BRWD3: variants seen among roughly 807,000 people sequenced by gnomAD.
BRWD3 encodes the protein bromodomain and WD repeat domain containing 3.
A neutral mutation model predicts 149.7 loss-of-function variants in BRWD3; 10 were observed. The observed-to-expected ratio is 0.07, with a 90% confidence interval of 0.04 to 0.11. The LOEUF (loss-of-function observed/expected upper bound fraction) is 0.11, where lower values mean the gene tolerates loss of function less well. BRWD3 is among the 10% of genes least tolerant of loss of function. BRWD3 has a pLI of 1.00. For synonymous variants in BRWD3, 504 were observed against 456.7 expected (o/e 1.10, Z -1.32); for missense variants, 940 against 1,373.2 (o/e 0.68, Z 4.99).
chrX:80,771,931 C>A (rs1459827432), intron 6 of BRWD3, among the ~76,000 whole-genome samples: 5 of 111,430 alleles, frequency 4.5e-5, no homozygotes, highest in Non-Finnish European at 7.5e-5. Context: ...CCATCTCACA[C>A]CAGTTAGAAT....
chrX:80,761,441 T>C (rs527272941), intron 6 of BRWD3, among the ~76,000 whole-genome samples: 1 of 112,576 alleles, frequency 8.9e-6, no homozygotes, highest in East Asian at 2.8e-4. Context: ...AGCAATTATA[T>C]GACAGGCAAA....
At chrX:80,729,892 T>A (rs369366827) in intron 13 of BRWD3, 24 bp downstream of exon 13, 1 of 983,448 alleles carries the variant, frequency 1.0e-6, no homozygotes, top group Non-Finnish European at 1.5e-6. Context: ...GAGAACCACA[T>A]AAACATCTAA....
chrX:80,716,406 G>A (rs1208882925), intron 19 of BRWD3, among the ~76,000 whole-genome samples, 156 bp from the exon 20 acceptor site: 1 of 112,187 alleles, frequency 8.9e-6, no homozygotes, highest in Admixed American at 9.5e-5. Flanking sequence ...AGAAAGTTGT[G>A]CAACCATTAC....
intron 16 of BRWD3, among the ~76,000 whole-genome samples, chrX:80,723,185 A>G (rs181374826): frequency 5.1e-4 from 57 of 111,336 alleles, no homozygotes; most frequent in African/African-American, 1.8e-3. Context: ...AAACAGGTAA[A>G]TATCAATCAC....
rs2072345542 is a variant in BRWD3, at chrX:80,674,330, A to G, written c.*2279T>C. The G allele has an allele frequency of 8.9e-6, 1 of 111,839 alleles. No individual in the cohort carries two copies. Among genetic ancestry groups the G allele is most frequent in the African/African-American group, 3.2e-5 (1 of 30,898 alleles). The allele number at this position is 111,839 out of a possible 1,213,427, so 9.2% of individuals were successfully genotyped here. ...GCATTTTTATTTTTCAAAATAAATTATAAATAAAGCTCCAGATAGCCAAAA... is the reference window on the plus strand; with the variant it reads ...GCATTTTTATTTTTCAAAATAAATTGTAAATAAAGCTCCAGATAGCCAAAA... On this transcript the variant is annotated 3_prime_UTR_variant, in exon 41 of 41. Transcript: ENST00000373275.
At position 80,677,287 on chromosome X, in the gene BRWD3, A is replaced by T; in HGVS notation, c.4731T>A (p.Ser1577Arg). Residue 1577 changes from serine (S) to arginine (R), a missense_variant, in exon 41 of 41, where the codon AGT becomes AGA. By Grantham distance (110) the Ser-to-Arg change is moderately radical. Transcript: ENST00000373275. ...CCATGTTTTCATCTTCTTCTGATGCACTAAGTAGTTTTCTCTTGATTCCTG... is the reference window on the plus strand; with the variant it reads ...CCATGTTTTCATCTTCTTCTGATGCTCTAAGTAGTTTTCTCTTGATTCCTG... ...PRTGIKRKLL[S>R]ASEEDENMGG... The T allele has an allele frequency of 8.3e-7, 1 of 1,209,481 alleles. No homozygotes were observed. Among genetic ancestry groups the T allele is most frequent in the Non-Finnish European group, 1.1e-6 (1 of 894,763 alleles).
rs556895247 is a variant in BRWD3 at position 80,733,432 on chromosome X, C to T, written c.1127+24G>A. The T allele has an allele frequency of 1.1e-5, 13 of 1,141,476 alleles. No homozygotes were observed. In the South Asian group the frequency reaches 2.2e-4, roughly 20 times the overall value. The allele number at this position is 1,141,476 out of a possible 1,213,427, so 94.1% of individuals were successfully genotyped here. A position where few individuals can be genotyped will look rare whatever the true frequency, so the allele number is the denominator to read the frequency against. On this transcript the variant is annotated intron_variant, in intron 12 of 40. Coordinates refer to ENST00000373275, the MANE Select transcript of BRWD3 (RefSeq NM_153252.5). ...GTAAAATATATCAAACATTTGTTTACACAAATATGTATTACATAATTACCT... is the reference window on the plus strand; with the variant it reads ...GTAAAATATATCAAACATTTGTTTATACAAATATGTATTACATAATTACCT...
chrX:80,778,598 A>G (rs762620645), intron 6 of BRWD3, among the ~76,000 whole-genome samples: 1 of 112,812 alleles, frequency 8.9e-6, no homozygotes, highest in East Asian at 2.8e-4. Flanking sequence ...TCAAATACAA[A>G]GAGTTTTTCA....
At chrX:80,775,563 G>A (rs1318284793) in intron 6 of BRWD3, among the ~76,000 whole-genome samples, 1 of 111,911 alleles carries the variant, frequency 8.9e-6, no homozygotes. Context: ...GTATTGTAAA[G>A]ATTGCAGAAC....
At position 80,686,852 on chromosome X, in the gene BRWD3, T is replaced by C; in HGVS notation, c.4005+11A>G. The C allele has an allele frequency of 1.7e-6, 2 of 1,208,110 alleles. No individual in the cohort carries two copies. Among genetic ancestry groups the C allele is most frequent in the African/African-American group, 1.7e-5 (1 of 57,582 alleles). Reference sequence around the variant, plus strand: ...TCATACTGACAATTATTTAAACAACTGTATGCTTACTGGGTAAGAAAGAAG... The same window carrying C: ...TCATACTGACAATTATTTAAACAACCGTATGCTTACTGGGTAAGAAAGAAG... On this transcript the variant is annotated intron_variant, in intron 35 of 40. Transcript: ENST00000373275.
In BRWD3 at chrX:80,736,091, TA is replaced by T. The variant is rs751020595; in HGVS notation, c.814-4del. ...GTGCCTTTAGTTGATGGACAAAACTTAAAAAAAAAAAAATCTGATTCAAATA... is the reference window on the plus strand; with the variant it reads ...GTGCCTTTAGTTGATGGACAAAACTTAAAAAAAAAAAATCTGATTCAAATA... On this transcript the variant is annotated splice_polypyrimidine_tract_variant and splice_region_variant and intron_variant, in intron 8 of 40. Transcript: ENST00000373275. 0.084 allele frequency: 61,451 copies of T among 732,233 alleles called. No homozygotes were observed. Among genetic ancestry groups the T allele is most frequent in the East Asian group, 0.094 (1,762 of 18,785 alleles). 60.3% of individuals were successfully genotyped at this position (732,233 alleles called of 1,213,427 possible). A position where few individuals can be genotyped will look rare whatever the true frequency, so the allele number is the denominator to read the frequency against.
intron 35 of BRWD3, 41 bp downstream of exon 35, chrX:80,686,822 A>T: frequency 8.4e-7 from 1 of 1,194,410 alleles, no homozygotes; most frequent in Non-Finnish European, 1.1e-6. Flanking sequence ...ATTTATGGGA[A>T]ATTATCATAC....
intron 22 of BRWD3, 46 bp from the exon 23 acceptor site, chrX:80,704,892 T>A (rs762109918): frequency 9.3e-7 from 1 of 1,077,489 alleles, no homozygotes; most frequent in Non-Finnish European, 1.3e-6. Context: ...AGAAAAGGAG[T>A]AGTTTTACTT....
intron 6 of BRWD3, among the ~76,000 whole-genome samples, chrX:80,775,883 C>T (rs1369269809): frequency 1.8e-5 from 2 of 112,020 alleles, no homozygotes; most frequent in Non-Finnish European, 3.8e-5. Flanking sequence ...TATTCACAGA[C>T]ATCTCATTTG....
intron 40 of BRWD3, 130 bp downstream of exon 40, chrX:80,681,211 T>C: frequency 1.6e-6 from 1 of 637,195 alleles, no homozygotes; most frequent in Non-Finnish European, 2.4e-6. Flanking sequence ...CTGACTCATA[T>C]GTGACAGAAT....
chrX:80,798,429 TATATC>T (rs1430197119), intron 4 of BRWD3, among the ~76,000 whole-genome samples: 33 of 111,210 alleles, frequency 3.0e-4, no homozygotes, highest in Non-Finnish European at 5.8e-4. Flanking sequence ...TCTATATTGT[TATATC>T]ATAGCCTATA....
intron 9 of BRWD3, 29 bp from the exon 10 acceptor site, chrX:80,735,226 T>C (rs762134118): frequency 1.8e-6 from 2 of 1,125,436 alleles, no homozygotes; most frequent in East Asian, 3.0e-5. Flanking sequence ...TGTTTTTGTG[T>C]TTCATCATGT....
At chrX:80,685,833 T>C in intron 35 of BRWD3, among the ~76,000 whole-genome samples, 1 of 111,627 alleles carries the variant, frequency 9.0e-6, no homozygotes, top group Admixed American at 9.5e-5. Context: ...AGAAGACCAA[T>C]GTGTAGTAAG....
chrX:80,803,970 T>C (rs1432121195), intron 4 of BRWD3, among the ~76,000 whole-genome samples: 4 of 112,479 alleles, frequency 3.6e-5, no homozygotes, highest in Non-Finnish European at 7.5e-5. Context: ...ACTTTTAAAC[T>C]TGAATGTGTT....
Sources: gnomAD v4.1 joint callset for allele counts (sites outside exome capture counted in the v4.1 genomes callset) on GRCh38, gnomAD v4.1.1 for gene constraint, MANE v1.5 for transcripts, NCBI Gene and HGNC (gene_info 2026-07-23, HGNC 2026-07-21) for gene names.